EPHA4: variants seen among roughly 807,000 people sequenced by gnomAD.
EPHA4 encodes the protein ephrin type-A receptor 4.
Under a neutral mutation model 108.3 loss-of-function variants are expected in EPHA4, and 19 were observed. That is an observed-to-expected ratio of 0.18 (90% CI 0.12 to 0.26). EPHA4 has a LOEUF of 0.26. EPHA4 is among the 10% of genes least tolerant of loss of function. EPHA4 has a pLI of 1.00. For missense variants in EPHA4, 917 were observed against 1,254.0 expected, an observed-to-expected ratio of 0.73 and a Z score of 4.06; for synonymous variants, 449 against 455.5, an observed-to-expected ratio of 0.99 and a Z score of 0.18.
At chr2:221,517,140 T>A (rs1455267275) in intron 3 of EPHA4, among the ~76,000 whole-genome samples, 1 of 152,068 alleles carries the variant, frequency 6.6e-6, no homozygotes, top group East Asian at 1.9e-4. Flanking sequence ...AGAATAAACC[T>A]GGTAATATGA....
chr2:221,466,469 G>A (rs1418301786), intron 5 of EPHA4, among the ~76,000 whole-genome samples: 36 of 152,074 alleles, frequency 2.4e-4, no homozygotes, highest in Non-Finnish European at 1.8e-4. Flanking sequence ...TAGTTATAAT[G>A]ATCACCCTTA....
At chr2:221,534,938 T>C (rs970548536) in intron 3 of EPHA4, among the ~76,000 whole-genome samples, 2 of 152,266 alleles carry the variant, frequency 1.3e-5, no homozygotes, top group African/African-American at 4.8e-5. Context: ...TCTAAGCATA[T>C]GTGCTATACT....
intron 3 of EPHA4, among the ~76,000 whole-genome samples, chr2:221,517,185 G>A (rs1216968259): frequency 6.6e-6 from 1 of 152,176 alleles, no homozygotes; most frequent in African/African-American, 2.4e-5. Flanking sequence ...GTGGTTCATA[G>A]GGGATCTCAA....
intron 8 of EPHA4, among the ~76,000 whole-genome samples, chr2:221,447,139 T>A (rs1471316022): frequency 6.6e-6 from 1 of 152,186 alleles, no homozygotes; most frequent in Non-Finnish European, 1.5e-5. Context: ...GTCAACTCCG[T>A]TGATATCACA....
chr2:221,500,270 T>G (rs907571592), intron 4 of EPHA4, among the ~76,000 whole-genome samples: 1 of 152,136 alleles, frequency 6.6e-6, no homozygotes, highest in African/African-American at 2.4e-5. Context: ...ACCTGAGCCA[T>G]GAGGCTAGCC....
In EPHA4 at chr2:221,486,768, T is replaced by TAAC. The variant is rs1691986887; in HGVS notation, c.980-4079_980-4078insGTT. Among the ~76,000 whole-genome samples, 5 of 148,322 alleles carry TAAC rather than the reference T, an allele frequency of 3.4e-5. No homozygotes were observed. The South Asian group carries it at 6.3e-4, about 19-fold the overall frequency. On this transcript the variant is annotated intron_variant, in intron 4 of 17. Transcript: ENST00000281821. ...ATAATAATAATAATAATAATAATAA[T>TAAC]AATAATAATTGATGTCTTTATCACT...
intron 17 of EPHA4, among the ~76,000 whole-genome samples, chr2:221,424,052 T>C (rs1205540594): frequency 6.6e-6 from 1 of 151,982 alleles, no homozygotes; most frequent in Non-Finnish European, 1.5e-5. Context: ...AGGCCAAGGT[T>C]GCAGTGAGCC....
intron 3 of EPHA4, among the ~76,000 whole-genome samples, chr2:221,533,651 C>T (rs547474466): frequency 7.7e-5 from 11 of 143,462 alleles, no homozygotes; most frequent in Admixed American, 2.2e-4. Flanking sequence ...ATGATGGTAC[C>T]GGGGGCTGTG....
chr2:221,427,684 T>C (rs1436456402), intron 15 of EPHA4, among the ~76,000 whole-genome samples: 1 of 152,212 alleles, frequency 6.6e-6, no homozygotes, highest in Non-Finnish European at 1.5e-5. Context: ...CGTGATACTA[T>C]GTTTAAGTAC....
At chr2:221,538,818 A>T (rs1363441820) in intron 3 of EPHA4, among the ~76,000 whole-genome samples, 1 of 152,220 alleles carries the variant, frequency 6.6e-6, no homozygotes, top group African/African-American at 2.4e-5. Context: ...AAATAAAACC[A>T]TATTGACATT....
At chr2:221,522,763 TATTA>T (rs1693205547) in intron 3 of EPHA4, among the ~76,000 whole-genome samples, 1 of 76,120 alleles carries the variant, frequency 1.3e-5, no homozygotes, top group African/African-American at 6.3e-5. Flanking sequence ...TTATTATTAT[TATTA>T]TTATTATTTT....
chr2:221,523,135 C>T (rs115015285), intron 3 of EPHA4, among the ~76,000 whole-genome samples: 3,211 of 152,118 alleles, frequency 0.021, 46 homozygotes, highest in Non-Finnish European at 0.031. Context: ...ACCTTCCTCA[C>T]TTACAAAAGA....
chr2:221,456,819 C>T lies in EPHA4; in HGVS notation c.1444-47G>A, dbSNP rs757709114. ...TTGGGGAAGGTGGCAAAATAAATCT[C>T]CTGCTTACTTACTAGGTGCAATATT... On this transcript the variant is annotated intron_variant, in intron 6 of 17. Coordinates refer to ENST00000281821, the MANE Select transcript of EPHA4 (RefSeq NM_004438.5). The T allele has an allele frequency of 3.7e-6, 6 of 1,606,210 alleles. No individual in the cohort carries two copies. The Admixed American group carries it at 8.4e-5, about 22-fold the overall frequency.
chr2:221,544,702 T>C (rs1157733973), intron 3 of EPHA4, among the ~76,000 whole-genome samples: 3 of 152,062 alleles, frequency 2.0e-5, no homozygotes, highest in African/African-American at 7.2e-5. Context: ...CCCTCCAAAA[T>C]GTATATGTTG....
intron 3 of EPHA4, among the ~76,000 whole-genome samples, chr2:221,504,422 G>A (rs950008152): frequency 1.3e-5 from 2 of 151,974 alleles, no homozygotes; most frequent in Admixed American, 6.6e-5. Flanking sequence ...TAACAAAGTC[G>A]AATTTTAAGA....
intron 3 of EPHA4, among the ~76,000 whole-genome samples, chr2:221,558,666 G>T (rs189161255): frequency 6.6e-6 from 1 of 152,102 alleles, no homozygotes; most frequent in Admixed American, 6.5e-5. Context: ...AAATCCCTGA[G>T]ATGATTTCTA....
At chr2:221,469,691 C>T (rs929586677) in intron 5 of EPHA4, among the ~76,000 whole-genome samples, 1 of 152,132 alleles carries the variant, frequency 6.6e-6, no homozygotes, top group Non-Finnish European at 1.5e-5. Flanking sequence ...GAGCACCTGT[C>T]GACTAAGACC....
intron 3 of EPHA4, among the ~76,000 whole-genome samples, chr2:221,557,039 C>T (rs1368031817): frequency 3.3e-5 from 5 of 152,100 alleles, no homozygotes; most frequent in Non-Finnish European, 1.5e-5. Flanking sequence ...CAGTTAGCTT[C>T]TGGAAAACTC....
intron 4 of EPHA4, among the ~76,000 whole-genome samples, chr2:221,488,679 A>T (rs1362908005): frequency 6.6e-6 from 1 of 152,212 alleles, no homozygotes; most frequent in Non-Finnish European, 1.5e-5. Context: ...GCCACATGAT[A>T]GTAGATACAA....
Sources: allele counts gnomAD v4.1 joint callset (sites outside exome capture counted in the v4.1 genomes callset), GRCh38; gene constraint gnomAD v4.1.1; transcripts MANE v1.5; gene names NCBI Gene and HGNC (gene_info 2026-07-23, HGNC 2026-07-21).